The following KLRG2 variants were observed in gnomAD, a reference collection of about 807,000 sequenced individuals.
The protein encoded by KLRG2 is killer cell lectin like receptor G2.
In KLRG2, 39 loss-of-function variants were observed where a neutral mutation model predicts 35.4. The ratio of observed to expected loss-of-function variants is 1.10; its 90% CI spans 0.85 to 1.44. The LOEUF (loss-of-function observed/expected upper bound fraction) is 1.44. Ranked by LOEUF, KLRG2 falls within the 40% of genes most tolerant of loss-of-function variation. The probability of loss-of-function intolerance (pLI) is 0.00; values close to 1 mark genes in which losing one functional copy is unlikely to be tolerated. For synonymous variants in KLRG2, 283 were observed against 265.8 expected (o/e 1.06, Z -0.63); for missense variants, 632 against 570.9 (o/e 1.11, Z -1.09).
chr7:139,462,238 G>A (rs1225776011), intron 3 of KLRG2, among the ~76,000 whole-genome samples: 10 of 152,252 alleles, frequency 6.6e-5, no homozygotes, highest in Admixed American at 2.0e-4. Context: ...ACTCACCCAC[G>A]TTTCAGAGGT....
chr7:139,451,673 C>A (rs777821906), downstream of KLRG2, among the ~76,000 whole-genome samples: 3 of 152,046 alleles, frequency 2.0e-5, no homozygotes, highest in Non-Finnish European at 4.4e-5. Context: ...GGAAAGAATG[C>A]GGCCTTTGGA....
chr7:139,443,877 T>C, the KLRG2 span, among the ~76,000 whole-genome samples: 2 of 152,168 alleles, frequency 1.3e-5, no homozygotes, highest in East Asian at 3.9e-4. Context: ...ATAGGCTGTC[T>C]GCAAACTGAG....
chr7:139,430,344 G>C, the KLRG2 span, among the ~76,000 whole-genome samples: 1 of 152,026 alleles, frequency 6.6e-6, no homozygotes, highest in African/African-American at 2.4e-5. Context: ...AGAGGTTGTG[G>C]TGAGCCGAGA....
At chr7:139,443,427 T>G in the KLRG2 span, among the ~76,000 whole-genome samples, 2 of 152,138 alleles carry the variant, frequency 1.3e-5, no homozygotes, top group East Asian at 1.9e-4. Flanking sequence ...CAAGAGGGCT[T>G]TCTAAAAATA....
chr7:139,436,420 T>C, the KLRG2 span, among the ~76,000 whole-genome samples: 1 of 152,160 alleles, frequency 6.6e-6, no homozygotes, highest in Non-Finnish European at 1.5e-5. Context: ...GACAGCTTAG[T>C]GGTCCAGAGG....
chr7:139,439,560 G>A, the KLRG2 span, among the ~76,000 whole-genome samples: 5 of 152,306 alleles, frequency 3.3e-5, no homozygotes, highest in East Asian at 9.7e-4. Flanking sequence ...CACTCATGAG[G>A]GTTCCAGGCT....
At chr7:139,441,205 C>A in the KLRG2 span, among the ~76,000 whole-genome samples, 1 of 152,166 alleles carries the variant, frequency 6.6e-6, no homozygotes, top group Non-Finnish European at 1.5e-5. Flanking sequence ...TTCATAATAG[C>A]AGACTTGGAA....
intron 1 of KLRG2, among the ~76,000 whole-genome samples, chr7:139,482,601 C>G (rs1300514418): frequency 6.6e-6 from 1 of 152,172 alleles, no homozygotes; most frequent in Non-Finnish European, 1.5e-5. Flanking sequence ...TCATATTGGT[C>G]AGGCTGGTCT....
downstream of KLRG2, among the ~76,000 whole-genome samples, chr7:139,448,058 A>G (rs1419910749): frequency 6.6e-6 from 1 of 151,980 alleles, no homozygotes; most frequent in Non-Finnish European, 1.5e-5. Flanking sequence ...GCAGGCGTAC[A>G]ATCATGGCTC....
At chr7:139,449,272 G>A (rs1352644836), downstream of KLRG2, among the ~76,000 whole-genome samples, 1 of 148,284 alleles carries the variant, frequency 6.7e-6, no homozygotes. Flanking sequence ...CATGGTGGCG[G>A]GCACCTATAA....
intron 3 of KLRG2, among the ~76,000 whole-genome samples, chr7:139,465,164 C>A (rs1027361918): frequency 6.6e-6 from 1 of 152,236 alleles, no homozygotes; most frequent in Non-Finnish European, 1.5e-5. Context: ...AGTGAGGCTA[C>A]CACTCTGCCC....
At chr7:139,481,520 T>C (rs1437087107) in intron 1 of KLRG2, among the ~76,000 whole-genome samples, 1 of 152,202 alleles carries the variant, frequency 6.6e-6, no homozygotes, top group African/African-American at 2.4e-5. Context: ...AGCCAAGCTT[T>C]TGCCAGTTTG....
At chr7:139,454,819 AAATAATAATAAT>A (rs34409730) in intron 3 of KLRG2, among the ~76,000 whole-genome samples, 5,067 of 140,520 alleles carry the variant, frequency 0.036, 177 homozygotes, top group African/African-American at 0.083. Flanking sequence ...TTCTATCTCA[AAATAATAATAAT>A]AATAATAATA....
At chr7:139,449,738 C>T (rs1375830758), downstream of KLRG2, among the ~76,000 whole-genome samples, 2 of 124,046 alleles carry the variant, frequency 1.6e-5, no homozygotes, top group East Asian at 2.6e-4. Context: ...CTCCCTCTGT[C>T]ACCCAGGCTG....
At chr7:139,430,491 TGAA>T in the KLRG2 span, among the ~76,000 whole-genome samples, 1 of 152,142 alleles carries the variant, frequency 6.6e-6, no homozygotes, top group Non-Finnish European at 1.5e-5. Flanking sequence ...TAAGTATGAA[TGAA>T]GATGTAGAGC....
chr7:139,440,620 C>G, the KLRG2 span, among the ~76,000 whole-genome samples: 1 of 151,524 alleles, frequency 6.6e-6, no homozygotes, highest in African/African-American at 2.4e-5. Flanking sequence ...ATGATCTCAT[C>G]TATTTTTTAA....
chr7:139,447,617 G>T, the KLRG2 span, among the ~76,000 whole-genome samples: 1 of 151,974 alleles, frequency 6.6e-6, no homozygotes, highest in Admixed American at 6.6e-5. Context: ...TGGCCAGGCT[G>T]GTCTTGAACT....
chr7:139,477,410 A>T (rs1796869566), intron 3 of KLRG2, among the ~76,000 whole-genome samples: 1 of 152,198 alleles, frequency 6.6e-6, no homozygotes, highest in African/African-American at 2.4e-5. Context: ...AAAGGAAGGG[A>T]ATTCTCATAC....
the KLRG2 span, among the ~76,000 whole-genome samples, chr7:139,432,929 A>C: frequency 6.6e-6 from 1 of 152,188 alleles, no homozygotes; most frequent in African/African-American, 2.4e-5. Context: ...ACTCCCACCC[A>C]GATCAAGATA....
Sources: gnomAD v4.1 joint callset for allele counts (sites outside exome capture counted in the v4.1 genomes callset) on GRCh38, gnomAD v4.1.1 for gene constraint, MANE v1.5 for transcripts, NCBI Gene and HGNC (gene_info 2026-07-23, HGNC 2026-07-21) for gene names.